TMEM175: variants seen among roughly 807,000 people sequenced by gnomAD.
The protein encoded by TMEM175 is transmembrane protein 175.
A neutral mutation model predicts 36.5 loss-of-function variants in TMEM175; 36 were observed. The observed-to-expected ratio is 0.99, with a 90% CI of 0.76 to 1.30. The LOEUF (loss-of-function observed/expected upper bound fraction) is 1.30. Ranked by LOEUF, TMEM175 falls within the 50% of genes most tolerant of loss-of-function variation. The pLI is 0.00. For synonymous variants in TMEM175, 339 were observed against 313.4 expected (o/e 1.08, Z -0.86); for missense variants, 705 against 692.8 (o/e 1.02, Z -0.20).
chr4:957,881 G>C lies in TMEM175; in HGVS notation c.900G>C (p.Val300=), dbSNP rs146045458. 3.1e-4 allele frequency: 507 copies of C among 1,612,758 alleles called. No individual in the cohort carries two copies. The highest frequency in any genetic ancestry group is 4.7e-4 in the Admixed American group (28 of 60,016). ...AGGAGAGGTTCAGCGGCAGCCTCGT[G>C]GCCGCCCTGAGTGCGACCGGGCCGC... ...DVKERFSGSL[V]AALSATGPRF... The change falls in exon 11 of 11, where the codon GTG becomes GTC. Residue 300 remains valine (V), a synonymous_variant. Coordinates refer to ENST00000264771, the MANE Select transcript of TMEM175 (RefSeq NM_032326.4).
rs748886195 is a variant in TMEM175 at position 951,215 on chromosome 4, A to G, written c.299A>G (p.Gln100Arg). ...TTTCTTAAATGGTTTAGGTTGTTCC[A>G]AGTTGTTGGGAAAACAGACGACACA... ...VAWAAHTRLFQVVGKTDDTLA... is the reference protein window; with the variant it reads ...VAWAAHTRLFRVVGKTDDTLA... The change falls in exon 5 of 11, where the codon CAA (glutamine) becomes CGA (arginine). Residue 100 changes from glutamine to arginine, a missense_variant. Transcript: ENST00000264771. 6.2e-7 allele frequency: 1 copy of G among 1,613,938 alleles called. No individual in the cohort carries two copies. Among genetic ancestry groups the G allele is most frequent in the African/African-American group, 1.3e-5 (1 of 74,870 alleles).
chr4:948,566 C>T (rs1333974733), intron 3 of TMEM175: 1 of 1,326,498 alleles, frequency 7.5e-7, no homozygotes, highest in Non-Finnish European at 9.9e-7. Flanking sequence ...CGGCCAGCGC[C>T]CCGTCTCAGC....
intron 1 of TMEM175, among the ~76,000 whole-genome samples, chr4:945,639 T>TAC (rs1323993510): frequency 4.6e-5 from 7 of 152,198 alleles, no homozygotes; most frequent in Non-Finnish European, 7.3e-5. Flanking sequence ...GTGAGCAGAC[T>TAC]ACAGCACATC....
At chr4:947,616 A>G (rs1205032161) in intron 1 of TMEM175, 93 bp from the exon 2 acceptor site, 2 of 958,570 alleles carry the variant, frequency 2.1e-6, no homozygotes, top group Non-Finnish European at 3.0e-6. Context: ...GCCCCCCCCC[A>G]TACCAGTCCC....
intron 1 of TMEM175, among the ~76,000 whole-genome samples, chr4:945,273 TCA>T (rs1173379923): frequency 6.8e-6 from 1 of 146,554 alleles, no homozygotes; most frequent in East Asian, 2.0e-4. Flanking sequence ...CATTCCTGCC[TCA>T]GTTTCTGTTT....
chr4:950,940 G>A (rs939748978), intron 4 of TMEM175, among the ~76,000 whole-genome samples: 1 of 148,822 alleles, frequency 6.7e-6, no homozygotes, highest in Non-Finnish European at 1.5e-5. Flanking sequence ...GGTGCAATAG[G>A]TGGAGGTGTG....
rs1728734814 is a variant in TMEM175 at position 950,527 on chromosome 4, C to T, written c.290+9C>T. 2 of 1,610,308 alleles carry T rather than the reference C, an allele frequency of 1.2e-6. No individual in the cohort carries two copies. The highest frequency in any genetic ancestry group is 1.7e-6 in the Non-Finnish European group (2 of 1,176,980). On this transcript the variant is annotated intron_variant, in intron 4 of 10. Coordinates refer to ENST00000264771, the MANE Select transcript of TMEM175 (RefSeq NM_032326.4). ...TGGGCAGCACACACAAGGTGGGGGC[C>T]CGGGCGCTTCCAGCGGTCCATAGCT...
At chr4:943,839 G>T (rs901603276) in intron 1 of TMEM175, among the ~76,000 whole-genome samples, 1 of 152,190 alleles carries the variant, frequency 6.6e-6, no homozygotes, top group African/African-American at 2.4e-5. Context: ...TTTTCAGCTG[G>T]TAAGTGGATC....
In TMEM175 at chr4:932,508, C is replaced by T. The variant is rs758487337; in HGVS notation, c.-64C>T. On this transcript the variant is annotated 5_prime_UTR_variant, in exon 1 of 11. Coordinates refer to ENST00000264771, the MANE Select transcript of TMEM175 (RefSeq NM_032326.4). This position sits in a 1 kb window ranked among gnomAD's most constrained non-coding sequence, Gnocchi z 4.0. ...GGCCGGGCTGACTCAAGCGGAGGCG[C>T]GCGGAACAGTCGCCGAGGCGATTCC... is the stretch of plus-strand genomic sequence containing the variant. The T allele has an allele frequency of 4.3e-6, 2 of 462,688 alleles. No homozygotes were observed. Among genetic ancestry groups the T allele is most frequent in the Non-Finnish European group, 7.5e-6 (2 of 267,318 alleles). The allele number at this position is 462,688 out of a possible 1,614,324, so 28.7% of individuals were successfully genotyped here. A position where few individuals can be genotyped will look rare whatever the true frequency, so the allele number is the denominator to read the frequency against.
chr4:955,099 C>T (rs1729439437), intron 8 of TMEM175, among the ~76,000 whole-genome samples: 1 of 152,152 alleles, frequency 6.6e-6, no homozygotes, highest in African/African-American at 2.4e-5. Flanking sequence ...CACACAGTCA[C>T]ACCTGACTAA....
intron 1 of TMEM175, among the ~76,000 whole-genome samples, chr4:936,193 G>A (rs1201358180): frequency 2.0e-5 from 3 of 151,728 alleles, no homozygotes; most frequent in African/African-American, 7.3e-5. Context: ...AAATTAGCTG[G>A]GTGTAGCAGT....
intron 7 of TMEM175, 22 bp downstream of exon 7, chr4:952,472 CACTGTG>C (rs1729024575): frequency 7.0e-7 from 1 of 1,431,054 alleles, no homozygotes; most frequent in Non-Finnish European, 9.5e-7. Flanking sequence ...GGGGGGCCTG[CACTGTG>C]TGTGTGTGTG....
In TMEM175 at chr4:953,185, C is replaced by T. The variant is rs773263314; in HGVS notation, c.463-5C>T. The T allele has an allele frequency of 1.9e-6, 3 of 1,600,900 alleles. No individual in the cohort carries two copies. The highest frequency in any genetic ancestry group is 1.7e-5 in the Admixed American group (1 of 58,970). On this transcript the variant is annotated splice_region_variant and splice_polypyrimidine_tract_variant and intron_variant, in intron 7 of 10. Transcript: ENST00000264771. The stretch of plus-strand genomic sequence containing the variant: ...CCTGTGTCCTACAGCTTGCTTTTCC[C>T]GCAGGCACTGATTGTGGGGTACGCA...
chr4:933,397 C>T (rs1483955750), intron 1 of TMEM175, among the ~76,000 whole-genome samples: 1 of 152,078 alleles, frequency 6.6e-6, no homozygotes, highest in Non-Finnish European at 1.5e-5. Context: ...ATCCCAGCTA[C>T]TCGGGAGGCT....
At chr4:951,867 G>A in intron 6 of TMEM175, 150 bp downstream of exon 6, 2 of 801,702 alleles carry the variant, frequency 2.5e-6, no homozygotes, top group Non-Finnish European at 4.1e-6. Context: ...CCAGCTGTTG[G>A]GCTGTTGGGG....
intron 6 of TMEM175, 49 bp from the exon 7 acceptor site, chr4:952,318 C>G (rs1443806832): frequency 6.4e-7 from 1 of 1,559,410 alleles, no homozygotes; most frequent in African/African-American, 1.4e-5. Flanking sequence ...GCTCTGGGGC[C>G]TGGTAACCTA....
rs189833174 is a variant in TMEM175, at chr4:955,540, C to T, written c.706+57C>T. On this transcript the variant is annotated intron_variant, in intron 9 of 10. Transcript: ENST00000264771. ...GGCCTGTAGTCCGCCCACCTCCGTG[C>T]GGCTGCTCCGCACTGAGGGCTGTCC... 2.3e-4 allele frequency: 364 copies of T among 1,550,820 alleles called. 5 individuals are homozygous for T. In the Admixed American group the frequency reaches 5.7e-3, roughly 24 times the overall value.
chr4:944,843 G>A (rs765361409), intron 1 of TMEM175, among the ~76,000 whole-genome samples: 3 of 152,208 alleles, frequency 2.0e-5, no homozygotes, highest in African/African-American at 4.8e-5. Flanking sequence ...GCTCTCGCCT[G>A]TAATCCAAGC....
chr4:952,979 G>A (rs1174977274), intron 7 of TMEM175, among the ~76,000 whole-genome samples: 1 of 151,910 alleles, frequency 6.6e-6, no homozygotes, highest in African/African-American at 2.4e-5. Context: ...CTCAGCCCCT[G>A]TGCCCAAAGT....
Sources: gnomAD v4.1 joint callset for allele counts (sites outside exome capture counted in the v4.1 genomes callset) on GRCh38, gnomAD v4.1.1 for gene constraint, Gnocchi (gnomAD v3.1) non-coding constraint, MANE v1.5 for transcripts, NCBI Gene and HGNC (gene_info 2026-07-23, HGNC 2026-07-21) for gene names.